Variants in INTS4 observed in about 807,000 individuals in gnomAD.
INTS4 encodes integrator complex subunit 4.
Under a neutral mutation model 119.5 loss-of-function variants are expected in INTS4, and 70 were observed. The observed-to-expected ratio is 0.59, with a 90% CI of 0.48 to 0.71. The LOEUF (loss-of-function observed/expected upper bound fraction) is 0.71. Among genes scored for constraint, INTS4 ranks in the 30% least tolerant of loss-of-function variants. INTS4 has a pLI of 0.00. For synonymous variants in INTS4, 316 were observed against 419.6 expected (o/e 0.75, Z 3.02); for missense variants, 867 against 1,173.2 (o/e 0.74, Z 3.81).
intron 4 of INTS4, among the ~76,000 whole-genome samples, chr11:77,971,637 C>A (rs144443113): frequency 6.6e-6 from 1 of 151,414 alleles, no homozygotes; most frequent in Non-Finnish European, 1.5e-5. Context: ...AGTGAGACTC[C>A]GACTCAAAAA....
intron 1 of INTS4, among the ~76,000 whole-genome samples, chr11:77,994,075 C>A (rs1177536287): frequency 6.6e-6 from 1 of 152,074 alleles, no homozygotes; most frequent in African/African-American, 2.4e-5. Context: ...CCTATGAAGT[C>A]TGTGACCCCC....
At chr11:77,985,976 T>C (rs146916009) in intron 2 of INTS4, among the ~76,000 whole-genome samples, 4 of 152,158 alleles carry the variant, frequency 2.6e-5, no homozygotes, top group East Asian at 1.9e-4. Flanking sequence ...AATATTAACA[T>C]AAAATACCAC....
chr11:77,989,444 G>A (rs1344543440), intron 2 of INTS4, among the ~76,000 whole-genome samples: 3 of 151,790 alleles, frequency 2.0e-5, no homozygotes, highest in Non-Finnish European at 4.4e-5. Flanking sequence ...CTGGGCAACA[G>A]AGTGAGACTC....
chr11:77,882,300 G>A (rs1951824912), intron 22 of INTS4, among the ~76,000 whole-genome samples: 1 of 152,162 alleles, frequency 6.6e-6, no homozygotes, highest in African/African-American at 2.4e-5. Flanking sequence ...ACCTTAAGAG[G>A]AAATGGGGCC....
intron 21 of INTS4, 131 bp from the exon 22 acceptor site, chr11:77,884,083 G>A: frequency 2.3e-6 from 2 of 876,388 alleles, no homozygotes; most frequent in South Asian, 3.3e-5. Context: ...TTGAGCCTTG[G>A]GGGTAGGTCA....
rs1952291140 is a variant in INTS4 at position 77,891,983 on chromosome 11, T to A, written c.2289-143A>T. On this transcript the variant is annotated intron_variant, in intron 19 of 22. Transcript: ENST00000534064. ...GCAGTTTACGACCAAGATAGACTGG[T>A]ACCTATACAATCATGCCTCAGTCAC... is the stretch of plus-strand genomic sequence containing the variant. The A allele has an allele frequency of 9.1e-6, 12 of 1,318,088 alleles. 1 individual carries two copies. The South Asian group carries it at 1.7e-4, about 19-fold the overall frequency. 81.6% of individuals were successfully genotyped at this position (1,318,088 alleles called of 1,614,324 possible).
At chr11:77,919,042 A>G (rs1953274792) in intron 14 of INTS4, 64 bp from the exon 15 acceptor site, 4 of 1,550,518 alleles carry the variant, frequency 2.6e-6, no homozygotes, top group Non-Finnish European at 3.6e-6. Flanking sequence ...ACACACACAC[A>G]AACACATAAA....
rs1443076625 is a variant in INTS4, at chr11:77,991,142, C to A, written c.212G>T (p.Gly71Val). 1 of 1,614,198 alleles carries A rather than the reference C, an allele frequency of 6.2e-7. No individual in the cohort carries two copies. The change falls in exon 2 of 23, where the codon GGA becomes GTA. Residue 71 changes from glycine (G) to valine (V), a missense_variant. This residue lies in a region of INTS4 where 224 missense variants were observed against 231.8 expected (regional missense o/e 0.97). Coordinates refer to ENST00000534064, the MANE Select transcript of INTS4 (RefSeq NM_033547.4). Reference protein sequence around the residue: ...RKPVEAESVEGVVRILLEHYY... With the variant: ...RKPVEAESVEVVVRILLEHYY... ...ATGTTCCAAGAGAATCCTGACTACT[C>A]CCTCTACGCTTTCCGCCTCGACAGG...
At chr11:77,891,087 C>A (rs564144517) in intron 21 of INTS4, among the ~76,000 whole-genome samples, 9 of 152,266 alleles carry the variant, frequency 5.9e-5, no homozygotes, top group African/African-American at 1.9e-4. Context: ...CTCTTTATGT[C>A]AACTCCTCCT....
intron 2 of INTS4, among the ~76,000 whole-genome samples, chr11:77,984,037 A>G (rs1856356157): frequency 6.6e-6 from 1 of 152,220 alleles, no homozygotes; most frequent in African/African-American, 2.4e-5. Context: ...ACATAATGGA[A>G]TATTATTTAG....
intron 10 of INTS4, among the ~76,000 whole-genome samples, chr11:77,933,253 G>A (rs370987132): frequency 5.4e-5 from 8 of 147,808 alleles, no homozygotes; most frequent in East Asian, 3.9e-4. Context: ...CTCTCTCCAC[G>A]GTCTCCCTCT....
At chr11:77,967,640 T>C (rs772526041) in intron 4 of INTS4, among the ~76,000 whole-genome samples, 3 of 152,154 alleles carry the variant, frequency 2.0e-5, no homozygotes, top group Admixed American at 1.3e-4. Flanking sequence ...TCAAACGTCA[T>C]CTGTGCCTCA....
chr11:77,940,400 C>T (rs1227991155), intron 9 of INTS4, among the ~76,000 whole-genome samples: 1 of 152,034 alleles, frequency 6.6e-6, no homozygotes. Flanking sequence ...CACTGCATTT[C>T]AGCCTGGGCA....
chr11:77,922,810 G>C (rs1301069548), intron 12 of INTS4: 3 of 338,668 alleles, frequency 8.9e-6, no homozygotes, highest in Non-Finnish European at 1.7e-5. Flanking sequence ...AACCACTATT[G>C]GTCTAAACCC....
chr11:77,977,842 C>G (rs1856012047), intron 4 of INTS4: 1 of 151,618 alleles, frequency 6.6e-6, no homozygotes, highest in Admixed American at 6.6e-5. Flanking sequence ...ACTTACTCTC[C>G]CACACACATA....
At chr11:77,992,885 A>G (rs139276669) in intron 1 of INTS4, among the ~76,000 whole-genome samples, 168 of 152,344 alleles carry the variant, frequency 1.1e-3, no homozygotes, top group African/African-American at 3.7e-3. Context: ...TTTTCAGCGG[A>G]GAAAAAAGAA....
At chr11:77,920,816 C>T (rs1441202667) in intron 14 of INTS4, among the ~76,000 whole-genome samples, 13 of 151,864 alleles carry the variant, frequency 8.6e-5, no homozygotes, top group Non-Finnish European at 1.5e-4. Context: ...CGTGCCACTG[C>T]ACTTCAGCCT....
chr11:77,926,635 G>A (rs1299577222), intron 11 of INTS4, among the ~76,000 whole-genome samples: 1 of 151,136 alleles, frequency 6.6e-6, no homozygotes, highest in African/African-American at 2.4e-5. Context: ...GGTGAAACAC[G>A]ATCTCTACTA....
In INTS4 at chr11:77,878,939, T is replaced by C. The variant is rs768095858; in HGVS notation, c.*10A>G. ...CCCTCTAGGCCACGGTTGGGAAGAC[T>C]GTTTTTGCCTTAGCGCCGTGCAGGT... On this transcript the variant is annotated 3_prime_UTR_variant, in exon 23 of 23. Coordinates refer to ENST00000534064, the MANE Select transcript of INTS4 (RefSeq NM_033547.4). The C allele has an allele frequency of 6.2e-7, 1 of 1,611,592 alleles. No individual in the cohort carries two copies. The highest frequency in any genetic ancestry group is 8.5e-7 in the Non-Finnish European group (1 of 1,177,936).
Sources: gnomAD v4.1 joint callset for allele counts (sites outside exome capture counted in the v4.1 genomes callset) on GRCh38, gnomAD v4.1.1 for gene constraint, gnomAD v4.1.1 regional missense constraint, MANE v1.5 for transcripts, NCBI Gene and HGNC (gene_info 2026-07-23, HGNC 2026-07-21) for gene names.